PRR12: variants seen among roughly 807,000 people sequenced by gnomAD.
PRR12 encodes the protein proline-rich protein 12.
PRR12 carries 12 observed loss-of-function variants against 138.0 expected under a neutral mutation model. That is an observed-to-expected ratio of 0.09 (90% CI 0.06 to 0.14). The LOEUF is 0.14. Among genes scored for constraint, PRR12 ranks in the 10% least tolerant of loss-of-function variants. The pLI is 1.00. For synonymous variants in PRR12, 1,567 were observed against 1,291.7 expected (o/e 1.21, Z -4.57); for missense variants, 2,692 against 2,861.3 (o/e 0.94, Z 1.35).
chr19:49,613,418 T>C (rs2080876460), intron 6 of PRR12, among the ~76,000 whole-genome samples: 2 of 152,038 alleles, frequency 1.3e-5, no homozygotes, highest in Admixed American at 1.3e-4. Flanking sequence ...TTATGACTTG[T>C]ACTATTATTT....
chr19:49,595,610 C>T lies in PRR12; in HGVS notation c.1275C>T (p.Ala425=), dbSNP rs576738078. 156 of 1,607,506 alleles carry T rather than the reference C, an allele frequency of 9.7e-5. No homozygotes were observed. Among genetic ancestry groups the T allele is most frequent in the Admixed American group, 2.2e-4 (13 of 59,466 alleles). ...GTCAGAGCCTGGGTGGGCCAGCAGC[C>T]GCCTATGCCACTGGGAAGGCCTCTG... ...PKCQSLGGPA[A]AYATGKASGA... Residue 425 remains alanine, a synonymous_variant, in exon 4 of 14, where the codon GCC becomes GCT. Transcript: ENST00000418929.
intron 11 of PRR12, among the ~76,000 whole-genome samples, chr19:49,623,931 G>C (rs1214532006): frequency 7.4e-6 from 1 of 135,454 alleles, no homozygotes; most frequent in Non-Finnish European, 1.6e-5. Flanking sequence ...TCTGGGGTAG[G>C]TGGTTAGGAT....
intron 6 of PRR12, among the ~76,000 whole-genome samples, chr19:49,608,853 C>CA (rs1007415538): frequency 4.0e-5 from 6 of 150,080 alleles, no homozygotes; most frequent in South Asian, 2.1e-4. Context: ...AAAAAAAAAA[C>CA]AAAAAAAACA....
At chr19:49,592,213 C>A (rs2080732875) in intron 1 of PRR12, among the ~76,000 whole-genome samples, 1 of 152,234 alleles carries the variant, frequency 6.6e-6, no homozygotes, top group African/African-American at 2.4e-5. Flanking sequence ...TAGGCGCCCC[C>A]CCAAGAATTC....
intron 5 of PRR12, among the ~76,000 whole-genome samples, chr19:49,600,291 A>G (rs1430568259): frequency 6.6e-6 from 1 of 151,798 alleles, no homozygotes; most frequent in East Asian, 1.9e-4. Context: ...GTGTGAAGGT[A>G]CAGAAAGATG....
At chr19:49,602,792 C>G (rs542035082) in intron 6 of PRR12, among the ~76,000 whole-genome samples, 3 of 152,104 alleles carry the variant, frequency 2.0e-5, no homozygotes, top group African/African-American at 7.2e-5. Flanking sequence ...CCTCAGATGA[C>G]CCACCTGCCT....
intron 6 of PRR12, among the ~76,000 whole-genome samples, chr19:49,603,266 T>G (rs2080821444): frequency 1.3e-5 from 2 of 152,260 alleles, no homozygotes; most frequent in Admixed American, 1.3e-4. Flanking sequence ...GCTGAGCAGG[T>G]GCTCAGGAGG....
rs770641333 is a variant in PRR12 at position 49,595,172 on chromosome 19, G to A, written c.837G>A (p.Glu279=). ...SGAAPGPPPP[E]RALPRQDTVI... is the part of the protein sequence containing the mutation. Reference sequence around the variant, plus strand: ...CTGCCCCGGGCCCACCGCCGCCTGAGCGGGCCCTGCCACGCCAGGACACGG... The same window carrying A: ...CTGCCCCGGGCCCACCGCCGCCTGAACGGGCCCTGCCACGCCAGGACACGG... The change falls in exon 4 of 14, where the codon GAG becomes GAA. Residue 279 remains glutamate (E), a synonymous_variant. Coordinates refer to ENST00000418929, the MANE Select transcript of PRR12 (RefSeq NM_020719.3). The A allele has an allele frequency of 2.5e-6, 4 of 1,609,018 alleles. No homozygotes were observed. Among genetic ancestry groups the A allele is most frequent in the East Asian group, 2.2e-5 (1 of 44,728 alleles).
chr19:49,615,122 C>A, intron 8 of PRR12, 113 bp downstream of exon 8: 1 of 1,448,722 alleles, frequency 6.9e-7, no homozygotes, highest in Non-Finnish European at 9.4e-7. Flanking sequence ...AGAGAGGAGA[C>A]AGAGCCCAGA....
Position 49,601,567 on chromosome 19 carries a change from C to T in PRR12, c.4422C>T (p.Pro1474=), listed in dbSNP as rs1294740052. ...CTCCTCAGCCTCAGCCTCCGCCACC[C>T]CCTCCGCCGCCACAGCCAGCCCTGC... ...APTPQPQPPP[P]PPPPQPALPS... The change falls in exon 6 of 14, where the codon CCC becomes CCT. Residue 1474 remains proline, a synonymous_variant. Coordinates refer to ENST00000418929, the MANE Select transcript of PRR12 (RefSeq NM_020719.3). 1.3e-6 allele frequency: 2 copies of T among 1,539,808 alleles called. No individual in the cohort carries two copies. The highest frequency in any genetic ancestry group is 1.8e-6 in the Non-Finnish European group (2 of 1,139,070).
chr19:49,611,908 G>C (rs1159981878), intron 6 of PRR12, among the ~76,000 whole-genome samples: 2 of 94,426 alleles, frequency 2.1e-5, no homozygotes, highest in Admixed American at 2.6e-4. Context: ...GGGCGACAGA[G>C]CGAGACTCCG....
At chr19:49,598,443 T>A (rs2080790533) in intron 4 of PRR12, among the ~76,000 whole-genome samples, 1 of 152,080 alleles carries the variant, frequency 6.6e-6, no homozygotes, top group Admixed American at 6.6e-5. Flanking sequence ...AGGGGGATAA[T>A]AAGGTTTACA....
Position 49,596,499 on chromosome 19 carries a change from C to G in PRR12, c.2164C>G (p.Leu722Val). 4 of 1,610,252 alleles carry G rather than the reference C, an allele frequency of 2.5e-6. No homozygotes were observed. Among genetic ancestry groups the G allele is most frequent in the Non-Finnish European group, 3.4e-6 (4 of 1,178,978 alleles). Reference protein sequence around the residue: ...EGATAALELGLGRLKEKKKGP... With the variant: ...EGATAALELGVGRLKEKKKGP... ...TGCCACTGCGGCACTGGAGCTGGGC[C>G]TGGGGAGGCTGAAGGAGAAGAAGAA... The change falls in exon 4 of 14, where the codon CTG becomes GTG. Residue 722 changes from leucine to valine, a missense_variant. Physicochemically the swap from Leu to Val is conservative, Grantham distance 32. Around this residue, in one of 11 missense-constraint regions of PRR12, gnomAD observed 840 missense variants for 689.8 expected, o/e 1.22. Transcript: ENST00000418929. This position sits in a 1 kb window ranked among gnomAD's most constrained non-coding sequence, Gnocchi z 5.6.
At chr19:49,619,051 C>T (rs1481822509) in intron 9 of PRR12, among the ~76,000 whole-genome samples, 1 of 151,960 alleles carries the variant, frequency 6.6e-6, no homozygotes, top group Non-Finnish European at 1.5e-5. Flanking sequence ...GCTCCCATCT[C>T]GTCCCTCAGC....
rs1340509346 is a variant in PRR12 at position 49,599,895 on chromosome 19, C to T, written c.4302C>T (p.Pro1434=). 5 of 1,611,024 alleles carry T rather than the reference C, an allele frequency of 3.1e-6. No homozygotes were observed. The highest frequency in any genetic ancestry group is 4.2e-6 in the Non-Finnish European group (5 of 1,178,534). The change falls in exon 5 of 14, where the codon CCC becomes CCT. Residue 1434 remains proline (P), a synonymous_variant. Coordinates refer to ENST00000418929, the MANE Select transcript of PRR12 (RefSeq NM_020719.3). The surrounding 1 kb of genome is among the most constrained non-coding windows in gnomAD (Gnocchi z 5.0). The stretch of plus-strand genomic sequence containing the variant: ...CCGCGGCTGCAGTTCCAGGGCCACC[C>T]CCTCTTCCGGGGCTCCCCAGTGCCA... The part of the protein sequence containing the change: ...LAPAAAVPGP[P]PLPGLPSANS...
chr19:49,596,871 A>T lies in PRR12; in HGVS notation c.2536A>T (p.Met846Leu). The T allele has an allele frequency of 9.1e-7, 1 of 1,098,998 alleles. No homozygotes were observed. The highest frequency in any genetic ancestry group is 1.2e-6 in the Non-Finnish European group (1 of 813,166). 68.1% of individuals were successfully genotyped at this position (1,098,998 alleles called of 1,614,324 possible). The part of the protein sequence containing the change: ...PPPPPPPPPP[M>L]PLQLEAHLRS... ...ACCGCCACCCCCGCCTCCACCACCC[A>T]TGCCCCTGCAGCTCGAGGCCCACCT... Residue 846 changes from methionine (M) to leucine (L), a missense_variant, in exon 4 of 14, where the codon ATG (methionine) becomes TTG (leucine). Transcript: ENST00000418929. The surrounding 1 kb of genome is among the most constrained non-coding windows in gnomAD (Gnocchi z 5.6).
chr19:49,615,987 G>A lies in PRR12; in HGVS notation c.5265G>A (p.Arg1755=). The part of the protein sequence containing the change: ...EKVTRGERPL[R]GERATSGRQT... The stretch of plus-strand genomic sequence containing the variant: ...TGACACGTGGAGAGCGGCCATTGCG[G>A]GGTGAGCGGGCCACCAGCGGACGGC... The change falls in exon 9 of 14, where the codon CGG becomes CGA. Residue 1755 remains arginine (R), a synonymous_variant. Coordinates refer to ENST00000418929, the MANE Select transcript of PRR12 (RefSeq NM_020719.3). The A allele has an allele frequency of 6.4e-7, 1 of 1,552,788 alleles. No individual in the cohort carries two copies. Among genetic ancestry groups the A allele is most frequent in the East Asian group, 2.4e-5 (1 of 40,934 alleles).
At chr19:49,609,532 C>T (rs1005317385) in intron 6 of PRR12, among the ~76,000 whole-genome samples, 2 of 146,638 alleles carry the variant, frequency 1.4e-5, no homozygotes, top group Non-Finnish European at 3.0e-5. Context: ...ATTCAGGAGG[C>T]GGAGGTTTCA....
intron 2 of PRR12, 42 bp downstream of exon 2, chr19:49,593,481 C>A (rs929104427): frequency 6.5e-6 from 6 of 918,128 alleles, no homozygotes; most frequent in Non-Finnish European, 1.7e-6. Flanking sequence ...GGCCCTCCCC[C>A]TCCCCCCGAG....
Sources: allele counts gnomAD v4.1 joint callset (sites outside exome capture counted in the v4.1 genomes callset), GRCh38; gene constraint gnomAD v4.1.1; regional missense constraint gnomAD v4.1.1; non-coding constraint Gnocchi (gnomAD v3.1); transcripts MANE v1.5; gene names NCBI Gene and HGNC (gene_info 2026-07-23, HGNC 2026-07-21).